Variants in DAPK1 observed in about 807,000 individuals in gnomAD.
DAPK1 encodes the protein death associated protein kinase 1, also known as death-associated protein kinase 1.
In DAPK1, 56 loss-of-function variants were observed where a neutral mutation model predicts 144.9. The observed-to-expected ratio is 0.39, with a 90% CI of 0.31 to 0.48. The LOEUF is 0.48. DAPK1 is among the 20% of genes least tolerant of loss of function. DAPK1 has a pLI of 0.95. For missense variants in DAPK1, 1,454 were observed against 1,875.4 expected (o/e 0.78, Z 4.15); for synonymous variants, 690 against 749.0 (o/e 0.92, Z 1.29).
At chr9:87,528,219 CTT>C (rs35842498) in intron 2 of DAPK1, among the ~76,000 whole-genome samples, 23,295 of 140,434 alleles carry the variant, frequency 0.17, 1,835 homozygotes, top group Admixed American at 0.19. Flanking sequence ...TTCTTTCTTT[CTT>C]TTTTTTTTTT....
chr9:87,659,210 A>G (rs1235047037), intron 18 of DAPK1, among the ~76,000 whole-genome samples: 1 of 152,162 alleles, frequency 6.6e-6, no homozygotes, highest in Non-Finnish European at 1.5e-5. Flanking sequence ...CAGAAGTAAT[A>G]GGTCTGATCT....
chr9:87,675,486 A>G (rs11141940), intron 19 of DAPK1, among the ~76,000 whole-genome samples: 23,251 of 151,870 alleles, frequency 0.15, 2,159 homozygotes, highest in East Asian at 0.27. Flanking sequence ...CAGAGGATGT[A>G]CCTGGGTGTG....
intron 2 of DAPK1, among the ~76,000 whole-genome samples, chr9:87,525,151 C>T (rs1318544848): frequency 6.6e-6 from 1 of 152,144 alleles, no homozygotes; most frequent in East Asian, 1.9e-4. Flanking sequence ...CCTGTGCAAA[C>T]AGTTGGGTGG....
chr9:87,499,380 C>G, intron 2 of DAPK1: 1 of 479,144 alleles, frequency 2.1e-6, no homozygotes, highest in Non-Finnish European at 3.8e-6. Context: ...GATCCAGTCC[C>G]CTGGACAAAA....
At chr9:87,542,688 G>C (rs766010703) in intron 2 of DAPK1, among the ~76,000 whole-genome samples, 1 of 152,206 alleles carries the variant, frequency 6.6e-6, no homozygotes, top group Admixed American at 6.5e-5. Context: ...TGAAGAAGCT[G>C]TGGCTGAGTG....
At chr9:87,657,433 A>C (rs955702177) in intron 17 of DAPK1, 1 of 155,184 alleles carries the variant, frequency 6.4e-6, no homozygotes. Context: ...TGTGAGAGAC[A>C]TGATGTCATG....
intron 2 of DAPK1, among the ~76,000 whole-genome samples, chr9:87,548,060 C>T (rs1453170477): frequency 2.0e-5 from 3 of 152,208 alleles, no homozygotes; most frequent in Admixed American, 6.5e-5. Context: ...AAGCACTTCA[C>T]TGGGGCTTCT....
chr9:87,650,415 C>T (rs1830404388), intron 16 of DAPK1: 3 of 327,414 alleles, frequency 9.2e-6, no homozygotes, highest in South Asian at 6.9e-5. Flanking sequence ...GAATCCGAGA[C>T]AATTCTCATT....
At chr9:87,576,614 A>C (rs1007730345) in intron 2 of DAPK1, among the ~76,000 whole-genome samples, 1 of 151,962 alleles carries the variant, frequency 6.6e-6, no homozygotes, top group Admixed American at 6.6e-5. Context: ...CTGGAGTGCA[A>C]TGGCGCTATC....
chr9:87,681,007 G>A (rs1395192673), intron 19 of DAPK1, among the ~76,000 whole-genome samples: 2 of 152,154 alleles, frequency 1.3e-5, no homozygotes, highest in African/African-American at 4.8e-5. Context: ...CGCCAGGCAC[G>A]GTGGCTCACA....
chr9:87,498,702 C>T (rs561142825), intron 1 of DAPK1: 29 of 405,634 alleles, frequency 7.1e-5, no homozygotes, highest in Non-Finnish European at 1.0e-4. Flanking sequence ...ACTTCCGGAG[C>T]CGGTTCTGAT....
chr9:87,592,281 G>A (rs1025804102), intron 2 of DAPK1, among the ~76,000 whole-genome samples: 4 of 152,204 alleles, frequency 2.6e-5, no homozygotes, highest in African/African-American at 9.6e-5. Context: ...ACCACAGCAT[G>A]GGCTGTAGGA....
intron 2 of DAPK1, among the ~76,000 whole-genome samples, chr9:87,578,720 G>A (rs1379711742): frequency 5.3e-5 from 8 of 152,266 alleles, no homozygotes; most frequent in South Asian, 2.1e-4. Context: ...CCAAGTGTTC[G>A]TGCCCTTGAC....
At chr9:87,660,292 C>CGG (rs1301373982) in intron 18 of DAPK1, among the ~76,000 whole-genome samples, 1 of 151,928 alleles carries the variant, frequency 6.6e-6, no homozygotes, top group Non-Finnish European at 1.5e-5. Flanking sequence ...TCCGCAGGGC[C>CGG]GGGGAGACCC....
At chr9:87,589,055 ATTTTTTTTTT>A (rs35875159) in intron 2 of DAPK1, among the ~76,000 whole-genome samples, 4 of 101,170 alleles carry the variant, frequency 4.0e-5, no homozygotes, top group East Asian at 2.5e-4. Flanking sequence ...CGCCCGGCTA[ATTTTTTTTTT>A]TTTTTTTTTT....
chr9:87,625,715 A>G (rs961594157), intron 3 of DAPK1, among the ~76,000 whole-genome samples: 6 of 152,238 alleles, frequency 3.9e-5, no homozygotes, highest in Non-Finnish European at 8.8e-5. Context: ...CACAGCTGCT[A>G]AATTCCACAT....
intron 2 of DAPK1, among the ~76,000 whole-genome samples, chr9:87,526,921 T>C (rs907560292): frequency 5.9e-5 from 9 of 152,224 alleles, no homozygotes; most frequent in African/African-American, 2.2e-4. Context: ...CCCCATATGC[T>C]GTTTCTACTT....
Position 87,686,505 on chromosome 9 carries a change from C to T in DAPK1, c.2225-46C>T, listed in dbSNP as rs538019446. ...GGCCAGCCTGGGAGGGAGACAGGCA[C>T]ACGCTGCCCCCATCGAGTACTCATG... On this transcript the variant is annotated intron_variant, in intron 20 of 25. Coordinates refer to ENST00000408954, the MANE Select transcript of DAPK1 (RefSeq NM_004938.4). This position sits in a 1 kb window ranked among gnomAD's most constrained non-coding sequence, Gnocchi z 4.2. 29 of 1,108,608 alleles carry T rather than the reference C, an allele frequency of 2.6e-5. No homozygotes were observed. The South Asian group carries it at 3.1e-4, about 12-fold the overall frequency. 68.7% of individuals were successfully genotyped at this position (1,108,608 alleles called of 1,614,324 possible).
intron 17 of DAPK1, among the ~76,000 whole-genome samples, chr9:87,657,080 A>G (rs991298245): frequency 9.2e-5 from 14 of 152,212 alleles, no homozygotes; most frequent in African/African-American, 3.4e-4. Flanking sequence ...CTCAGTTCAC[A>G]ACATCCTCAG....
Sources: gnomAD v4.1 joint callset for allele counts (sites outside exome capture counted in the v4.1 genomes callset) on GRCh38, gnomAD v4.1.1 for gene constraint, Gnocchi (gnomAD v3.1) non-coding constraint, MANE v1.5 for transcripts, NCBI Gene and HGNC (gene_info 2026-07-23, HGNC 2026-07-21) for gene names.